Variants in NGFR observed in about 807,000 individuals in gnomAD.
The protein encoded by NGFR is tumor necrosis factor receptor superfamily member 16.
Under a neutral mutation model 43.2 loss-of-function variants are expected in NGFR, and 30 were observed. That is an observed-to-expected ratio of 0.69 (90% confidence interval 0.52 to 0.94). The LOEUF is 0.94. Ranked by LOEUF, NGFR falls within the 40% of genes least tolerant of loss-of-function variation. The pLI is 0.00. For synonymous variants in NGFR, 246 were observed against 259.6 expected (o/e 0.95, Z 0.50); for missense variants, 529 against 602.5 (o/e 0.88, Z 1.28).
At chr17:49,502,996 A>T (rs2071177023) in intron 2 of NGFR, among the ~76,000 whole-genome samples, 1 of 151,160 alleles carries the variant, frequency 6.6e-6, no homozygotes, top group Non-Finnish European at 1.5e-5. Context: ...ACTCACTGCA[A>T]CCTCCACCTC....
In NGFR at chr17:49,513,067, C is replaced by T. The variant is rs1024637910; in HGVS notation, c.*58C>T. 1 of 1,446,026 alleles carries T rather than the reference C, an allele frequency of 6.9e-7. No individual in the cohort carries two copies. The highest frequency in any genetic ancestry group is 2.5e-5 in the East Asian group (1 of 40,134). The allele number at this position is 1,446,026 out of a possible 1,614,324, so 89.6% of individuals were successfully genotyped here. A position where few individuals can be genotyped will look rare whatever the true frequency, so the allele number is the denominator to read the frequency against. ...TTCCGACAACCGATGCTCCAGCCAA[C>T]CCCTGTGGAGCCCGCACCCCCACCC... is the stretch of plus-strand genomic sequence containing the variant. On this transcript the variant is annotated 3_prime_UTR_variant, in exon 6 of 6. Coordinates refer to ENST00000172229, the MANE Select transcript of NGFR (RefSeq NM_002507.4).
chr17:49,513,249 A>C lies in NGFR; in HGVS notation c.*240A>C. ...GAGAAGTGCCCCTGCTGCCTCCCCA[A>C]CCCTGCCCCTGCCCCGTCACCATCT... On this transcript the variant is annotated 3_prime_UTR_variant, in exon 6 of 6. Coordinates refer to ENST00000172229, the MANE Select transcript of NGFR (RefSeq NM_002507.4). 25 of 485,652 alleles carry C rather than the reference A, an allele frequency of 5.1e-5. No individual in the cohort carries two copies. The highest frequency in any genetic ancestry group is 1.9e-4 in the South Asian group (5 of 26,472). 30.1% of individuals were successfully genotyped at this position (485,652 alleles called of 1,614,324 possible).
At chr17:49,504,797 C>T (rs1187320223) in intron 2 of NGFR, among the ~76,000 whole-genome samples, 3 of 116,582 alleles carry the variant, frequency 2.6e-5, no homozygotes, top group African/African-American at 3.4e-5. Context: ...TTTTTGACAG[C>T]GTCTCACTCT....
At chr17:49,507,641 C>T (rs956030064) in intron 3 of NGFR, among the ~76,000 whole-genome samples, 1 of 152,152 alleles carries the variant, frequency 6.6e-6, no homozygotes, top group Admixed American at 6.5e-5. Flanking sequence ...TTTTCCACTT[C>T]GGGGAGAGGC....
chr17:49,507,140 G>A (rs2071204651), intron 3 of NGFR, among the ~76,000 whole-genome samples: 1 of 152,138 alleles, frequency 6.6e-6, no homozygotes, highest in Non-Finnish European at 1.5e-5. Flanking sequence ...CCCTGGTCTA[G>A]GTCCATGGTG....
intron 3 of NGFR, among the ~76,000 whole-genome samples, chr17:49,507,533 G>T (rs1326027250): frequency 6.6e-6 from 1 of 152,234 alleles, no homozygotes. Context: ...AGGAGATGGG[G>T]TGGTTCTTGG....
chr17:49,508,582 G>A (rs1343275226), intron 3 of NGFR, among the ~76,000 whole-genome samples: 1 of 152,180 alleles, frequency 6.6e-6, no homozygotes, highest in Non-Finnish European at 1.5e-5. Flanking sequence ...GTGTCAACAT[G>A]GTGACTCACC....
intron 2 of NGFR, among the ~76,000 whole-genome samples, chr17:49,503,923 G>A (rs1240047352): frequency 3.9e-5 from 6 of 152,154 alleles, no homozygotes. Context: ...TGGGGCGGAG[G>A]ACACCAGGAG....
chr17:49,510,454 G>T lies in NGFR; in HGVS notation c.611G>T (p.Gly204Val). 1 of 1,614,004 alleles carries T rather than the reference G, an allele frequency of 6.2e-7. No homozygotes were observed. The highest frequency in any genetic ancestry group is 2.2e-5 in the East Asian group (1 of 44,866). Residue 204 changes from glycine to valine, a missense_variant, in exon 4 of 6, where the codon GGC (glycine) becomes GTC (valine). Gly to Val is a moderately radical substitution (Grantham distance 109). Transcript: ENST00000172229. Reference protein sequence around the residue: ...RWITRSTPPEGSDSTAPSTQE... With the variant: ...RWITRSTPPEVSDSTAPSTQE... Reference sequence around the variant, plus strand: ...ATTACACGGTCCACACCCCCAGAGGGCTCGGACAGCACAGCCCCCAGCACC... The same window carrying T: ...ATTACACGGTCCACACCCCCAGAGGTCTCGGACAGCACAGCCCCCAGCACC...
chr17:49,498,582 A>G (rs1416060380), intron 1 of NGFR, among the ~76,000 whole-genome samples: 1 of 152,134 alleles, frequency 6.6e-6, no homozygotes, highest in Non-Finnish European at 1.5e-5. Context: ...AATACTTTCA[A>G]CTGTTTCGCT....
intron 2 of NGFR, among the ~76,000 whole-genome samples, chr17:49,502,817 T>TTCCG (rs1161961627): frequency 3.4e-5 from 3 of 88,928 alleles, no homozygotes; most frequent in African/African-American, 1.4e-4. Flanking sequence ...CTGGGATTTC[T>TTCCG]TCCTTCCTTC....
Position 49,505,271 on chromosome 17 carries a change from A to G in NGFR, c.209-1028A>G, listed in dbSNP as rs537918337. ...TTTCTGCTTCTGCTTCCACATTCTG[A>G]ACAATCTGTCCTTCCCTGGTTCTCA... is the stretch of plus-strand genomic sequence containing the variant. On this transcript the variant is annotated intron_variant, in intron 2 of 5. Transcript: ENST00000172229. Among the ~76,000 whole-genome samples the G allele has an allele frequency of 3.3e-5, 5 of 152,124 alleles. No homozygotes were observed. The East Asian group carries it at 9.7e-4, about 29-fold the overall frequency.
At chr17:49,501,991 C>A in intron 1 of NGFR, 72 bp from the exon 2 acceptor site, 1 of 1,189,916 alleles carries the variant, frequency 8.4e-7, no homozygotes, top group South Asian at 1.6e-5. Context: ...TGTTTGATTC[C>A]CCGGAAGAAC....
At chr17:49,510,775 A>C in intron 4 of NGFR, 111 bp downstream of exon 4, 1 of 1,367,938 alleles carries the variant, frequency 7.3e-7, no homozygotes, top group Non-Finnish European at 1.0e-6. Flanking sequence ...ACCCCAAACC[A>C]AGCTCATCCT....
chr17:49,504,001 T>C (rs1317678577), intron 2 of NGFR, among the ~76,000 whole-genome samples: 1 of 151,976 alleles, frequency 6.6e-6, no homozygotes, highest in Non-Finnish European at 1.5e-5. Context: ...AATCCTCCCT[T>C]CCACTTCCTC....
chr17:49,510,851 ACCTGTCCTGTCCTGTCCTCTCCTGC>A, intron 4 of NGFR, 187 bp downstream of exon 4: 1 of 683,306 alleles, frequency 1.5e-6, no homozygotes, highest in East Asian at 2.8e-5. Context: ...GAGAGGATCC[ACCTGTCCTGTCCTGTCCTCTCCTGC>A]CCTGTCCTGG....
intron 1 of NGFR, among the ~76,000 whole-genome samples, chr17:49,500,399 G>T (rs1287149364): frequency 1.3e-5 from 2 of 152,160 alleles, no homozygotes; most frequent in Non-Finnish European, 2.9e-5. Flanking sequence ...GCCAGATACC[G>T]CATCAGGCCC....
rs776360652 is a variant in NGFR at position 49,511,921 on chromosome 17, G to A, written c.851G>A (p.Gly284Glu). 1.2e-6 allele frequency: 2 copies of A among 1,611,828 alleles called. No individual in the cohort carries two copies. Among genetic ancestry groups the A allele is most frequent in the Non-Finnish European group, 1.7e-6 (2 of 1,179,028 alleles). Residue 284 changes from glycine (G) to glutamate (E), a missense_variant, in exon 5 of 6, where the codon GGA becomes GAA. Transcript: ENST00000172229. The stretch of plus-strand genomic sequence containing the variant: ...AACAGCTGCAAGCAGAACAAGCAAG[G>A]AGCCAACAGCCGGCCAGTGAACCAG... ...RWNSCKQNKQ[G>E]ANSRPVNQTP...
rs553219769 is a variant in NGFR, at chr17:49,503,572, T to C, written c.208+1368T>C. Among the ~76,000 whole-genome samples the C allele has an allele frequency of 2.6e-5, 4 of 152,314 alleles. No homozygotes were observed. The East Asian group carries it at 5.8e-4, about 22-fold the overall frequency. ...TCTGGATGTCCCCCCTGAGTCTATC[T>C]GTCCTCCAGGCAACCCCAACTCTTG... On this transcript the variant is annotated intron_variant, in intron 2 of 5. Coordinates refer to ENST00000172229, the MANE Select transcript of NGFR (RefSeq NM_002507.4).
Sources: allele counts gnomAD v4.1 joint callset (sites outside exome capture counted in the v4.1 genomes callset), GRCh38; gene constraint gnomAD v4.1.1; transcripts MANE v1.5; gene names NCBI Gene and HGNC (gene_info 2026-07-23, HGNC 2026-07-21).